The following BMERB1 variants were observed in gnomAD, a reference collection of about 807,000 sequenced individuals.
The protein encoded by BMERB1 is bMERB domain containing 1, also known as bMERB domain-containing protein 1.
Under a neutral mutation model 23.6 loss-of-function variants are expected in BMERB1, and 12 were observed. The observed-to-expected ratio is 0.51, with a 90% CI of 0.33 to 0.82. The LOEUF (loss-of-function observed/expected upper bound fraction) is 0.82, where lower values mean the gene tolerates loss of function less well. Among genes scored for constraint, BMERB1 ranks in the 40% least tolerant of loss-of-function variants. The probability of loss-of-function intolerance (pLI) is 0.03; values close to 1 mark genes in which losing one functional copy is unlikely to be tolerated. For synonymous variants in BMERB1, 122 were observed against 96.6 expected (o/e 1.26, Z -1.54); for missense variants, 247 against 255.4 (o/e 0.97, Z 0.22).
chr16:15,449,985 C>T (rs1265780843), intron 1 of BMERB1, among the ~76,000 whole-genome samples: 1 of 151,754 alleles, frequency 6.6e-6, no homozygotes, highest in Non-Finnish European at 1.5e-5. Flanking sequence ...CTCCTGGCCT[C>T]AAGTGATCTT....
chr16:15,581,124 C>A, intron 3 of BMERB1, 93 bp from the exon 4 acceptor site: 1 of 855,562 alleles, frequency 1.2e-6, no homozygotes. Context: ...ACCATGTTGA[C>A]CAGGCTGGTC....
chr16:15,545,686 C>T (rs1353157307), intron 2 of BMERB1, among the ~76,000 whole-genome samples: 1 of 152,172 alleles, frequency 6.6e-6, no homozygotes, highest in Non-Finnish European at 1.5e-5. Context: ...AGTCTAATCC[C>T]TCCATCCTTT....
intron 1 of BMERB1, among the ~76,000 whole-genome samples, chr16:15,464,385 G>A (rs1164003038): frequency 1.3e-5 from 2 of 151,826 alleles, no homozygotes; most frequent in African/African-American, 4.8e-5. Context: ...CTCTTTGGGA[G>A]GCCAAGGCGG....
At position 15,587,101 on chromosome 16, in the gene BMERB1, C is replaced by G; in HGVS notation, c.*272C>G. ...GTTTATCCAAACACCAGGAAAGGTC[C>G]TCCCTCAAAAAAGCATATCTCCACT... On this transcript the variant is annotated 3_prime_UTR_variant, in exon 6 of 6. Transcript: ENST00000300006. 1 of 453,620 alleles carries G rather than the reference C, an allele frequency of 2.2e-6. No individual in the cohort carries two copies. Among genetic ancestry groups the G allele is most frequent in the Non-Finnish European group, 3.9e-6 (1 of 255,136 alleles). The allele number at this position is 453,620 out of a possible 1,614,324, so 28.1% of individuals were successfully genotyped here.
At chr16:15,530,309 G>A (rs143791178) in intron 2 of BMERB1, among the ~76,000 whole-genome samples, 286 of 152,284 alleles carry the variant, frequency 1.9e-3, no homozygotes, top group African/African-American at 4.8e-3. Flanking sequence ...TAAATGGGTA[G>A]GGGCACTTGT....
chr16:15,497,979 G>A (rs962046870), intron 1 of BMERB1, among the ~76,000 whole-genome samples: 1 of 152,164 alleles, frequency 6.6e-6, no homozygotes, highest in Non-Finnish European at 1.5e-5. Flanking sequence ...CTAACATTCA[G>A]CACACTGTGC....
chr16:15,563,386 A>AT (rs772858544), intron 2 of BMERB1, among the ~76,000 whole-genome samples: 8 of 151,768 alleles, frequency 5.3e-5, no homozygotes, highest in Non-Finnish European at 8.8e-5. Flanking sequence ...CGCCCGGCTA[A>AT]TTTTTCGTAT....
chr16:15,494,469 CG>C (rs2051454052), intron 1 of BMERB1, among the ~76,000 whole-genome samples: 1 of 152,024 alleles, frequency 6.6e-6, no homozygotes, highest in South Asian at 2.1e-4. Context: ...AATAATTTGC[CG>C]GAACTCTTGT....
At chr16:15,492,196 G>A (rs1478706449) in intron 1 of BMERB1, among the ~76,000 whole-genome samples, 1 of 152,200 alleles carries the variant, frequency 6.6e-6, no homozygotes, top group Non-Finnish European at 1.5e-5. Context: ...TTTGTGCTCA[G>A]TGTTTTTGGT....
intron 1 of BMERB1, among the ~76,000 whole-genome samples, chr16:15,475,448 A>G (rs1023791544): frequency 1.3e-5 from 2 of 152,204 alleles, no homozygotes; most frequent in African/African-American, 4.8e-5. Context: ...TTGTACTCAC[A>G]GTTACAGTTT....
intron 1 of BMERB1, among the ~76,000 whole-genome samples, chr16:15,449,577 G>A (rs1047558899): frequency 6.6e-6 from 1 of 150,916 alleles, no homozygotes; most frequent in African/African-American, 2.4e-5. Flanking sequence ...AGGGAGTCTC[G>A]CTCTGTCGCC....
At chr16:15,471,029 G>T (rs1356381045) in intron 1 of BMERB1, among the ~76,000 whole-genome samples, 2 of 151,294 alleles carry the variant, frequency 1.3e-5, no homozygotes, top group African/African-American at 4.9e-5. Context: ...TAGAGATGGG[G>T]TTTCACGATG....
intron 1 of BMERB1, among the ~76,000 whole-genome samples, chr16:15,463,325 C>T (rs2051152729): frequency 6.6e-6 from 1 of 151,650 alleles, no homozygotes; most frequent in African/African-American, 2.4e-5. Flanking sequence ...AACTCTTGGT[C>T]CCAGGCAATC....
chr16:15,570,373 A>T lies in BMERB1; in HGVS notation c.304+2317A>T, dbSNP rs552324161. ...AGTGCAGCATGATGAGCCTTAGAGC[A>T]GCGTTTCCCAACCTTCAACTATTGA... On this transcript the variant is annotated intron_variant, in intron 3 of 5. Coordinates refer to ENST00000300006, the MANE Select transcript of BMERB1 (RefSeq NM_033201.3). Among the ~76,000 whole-genome samples, 2 of 152,298 alleles carry T rather than the reference A, an allele frequency of 1.3e-5. 1 individual carries two copies. Among genetic ancestry groups the T allele is most frequent in the African/African-American group, 4.8e-5 (2 of 41,568 alleles).
At chr16:15,506,834 A>G (rs1253672127) in intron 1 of BMERB1, among the ~76,000 whole-genome samples, 1 of 152,202 alleles carries the variant, frequency 6.6e-6, no homozygotes, top group African/African-American at 2.4e-5. Context: ...ACCCAATTAA[A>G]GCCTTCTCTG....
At chr16:15,574,668 A>G (rs967944508) in intron 3 of BMERB1, among the ~76,000 whole-genome samples, 7 of 152,242 alleles carry the variant, frequency 4.6e-5, no homozygotes, top group East Asian at 1.9e-4. Flanking sequence ...TTGAGATTAC[A>G]TATCAATTTT....
chr16:15,578,330 C>T (rs1029040715), intron 3 of BMERB1, among the ~76,000 whole-genome samples: 1 of 151,370 alleles, frequency 6.6e-6, no homozygotes, highest in African/African-American at 2.4e-5. Flanking sequence ...TCCCAAGTAG[C>T]TGGGATTACA....
intron 1 of BMERB1, among the ~76,000 whole-genome samples, chr16:15,474,202 T>C (rs140815544): frequency 9.2e-5 from 14 of 151,760 alleles, no homozygotes; most frequent in Admixed American, 2.0e-4. Context: ...TAAGGACATG[T>C]CTTGGTATGG....
intron 5 of BMERB1, among the ~76,000 whole-genome samples, 168 bp downstream of exon 5, chr16:15,583,406 CG>C (rs889952638): frequency 7.2e-5 from 11 of 151,812 alleles, no homozygotes; most frequent in African/African-American, 2.7e-4. Flanking sequence ...GGTGAAACCC[CG>C]TATCTACCAA....
Sources: gnomAD v4.1 joint callset for allele counts (sites outside exome capture counted in the v4.1 genomes callset) on GRCh38, gnomAD v4.1.1 for gene constraint, MANE v1.5 for transcripts, NCBI Gene and HGNC (gene_info 2026-07-23, HGNC 2026-07-21) for gene names.